The following AMMECR1 variants were observed in gnomAD, a reference collection of about 807,000 sequenced individuals.
AMMECR1 encodes the protein AMMECR nuclear protein 1.
In AMMECR1, 3 loss-of-function variants were observed where a neutral mutation model predicts 22.5. The ratio of observed to expected loss-of-function variants is 0.13; its 90% CI spans 0.06 to 0.35. The LOEUF (loss-of-function observed/expected upper bound fraction) is 0.35, where lower values mean the gene tolerates loss of function less well. AMMECR1 is among the 10% of genes least tolerant of loss of function. The pLI is 1.00. For synonymous variants in AMMECR1, 130 were observed against 116.7 expected (o/e 1.11, Z -0.74); for missense variants, 235 against 278.7 (o/e 0.84, Z 1.12).
At chrX:110,307,542 A>G (rs1021791556) in intron 1 of AMMECR1, among the ~76,000 whole-genome samples, 25 of 111,985 alleles carry the variant, frequency 2.2e-4, no homozygotes, top group African/African-American at 7.1e-4. Flanking sequence ...CAAACTTCAC[A>G]CATCTAAGTA....
intron 1 of AMMECR1, among the ~76,000 whole-genome samples, chrX:110,313,187 G>A (rs1002273849): frequency 8.9e-6 from 1 of 111,933 alleles, no homozygotes; most frequent in Non-Finnish European, 1.9e-5. Flanking sequence ...GTGGCAAGAC[G>A]AGAAAGAGTT....
intron 1 of AMMECR1, among the ~76,000 whole-genome samples, chrX:110,306,223 G>A (rs1208634364): frequency 2.8e-5 from 3 of 108,959 alleles, no homozygotes; most frequent in Non-Finnish European, 5.7e-5. Context: ...TGAACCCGGA[G>A]GCAGAGCTTG....
At chrX:110,218,922 T>C (rs988812647) in intron 2 of AMMECR1, among the ~76,000 whole-genome samples, 1 of 111,734 alleles carries the variant, frequency 8.9e-6, no homozygotes, top group African/African-American at 3.2e-5. Context: ...TCTGGCTTCT[T>C]TCACTTAGCA....
intron 2 of AMMECR1, among the ~76,000 whole-genome samples, chrX:110,424,844 G>A (rs1226036880): frequency 3.6e-5 from 4 of 111,710 alleles, no homozygotes; most frequent in Non-Finnish European, 7.5e-5. Context: ...AATCTCTCTG[G>A]GCTTCTGTTT....
intron 2 of AMMECR1, among the ~76,000 whole-genome samples, chrX:110,351,355 G>T (rs765442849): frequency 8.9e-6 from 1 of 112,073 alleles, no homozygotes; most frequent in East Asian, 2.8e-4. Flanking sequence ...TTACTAAAAA[G>T]CTACAACAAT....
At chrX:110,323,186 A>G (rs1315992311) in intron 2 of AMMECR1, among the ~76,000 whole-genome samples, 1 of 111,388 alleles carries the variant, frequency 9.0e-6, no homozygotes, top group African/African-American at 3.3e-5. Context: ...CCCATGCTAC[A>G]CTCTGCTCTG....
chrX:110,213,991 C>T (rs1383305209), intron 3 of AMMECR1, among the ~76,000 whole-genome samples: 1 of 110,805 alleles, frequency 9.0e-6, no homozygotes, highest in Admixed American at 9.5e-5. Context: ...GGGCCAGGCA[C>T]GGTGGCTCAC....
chrX:110,396,437 TC>T (rs373103405), intron 2 of AMMECR1, among the ~76,000 whole-genome samples: 6,380 of 110,959 alleles, frequency 0.057, 211 homozygotes, highest in African/African-American at 0.12. Context: ...GAAATTATTA[TC>T]CCCCCCATCG....
intron 2 of AMMECR1, among the ~76,000 whole-genome samples, chrX:110,261,982 T>G (rs925228840): frequency 3.6e-5 from 4 of 111,327 alleles, no homozygotes; most frequent in Non-Finnish European, 7.6e-5. Context: ...TAAGGGTTAT[T>G]ACAAGGACTA....
At chrX:110,309,076 C>G (rs1047995053) in intron 1 of AMMECR1, 5 of 112,136 alleles carry the variant, frequency 4.5e-5, no homozygotes, top group Middle Eastern at 4.6e-3. Context: ...CACCCCAAAC[C>G]ACCTAAACCT....
At chrX:110,327,541 G>A (rs2068102568) in intron 2 of AMMECR1, among the ~76,000 whole-genome samples, 1 of 111,334 alleles carries the variant, frequency 9.0e-6, no homozygotes, top group Non-Finnish European at 1.9e-5. Flanking sequence ...GGCAGGGCCA[G>A]AAGTCAGACT....
At chrX:110,382,020 A>T (rs991030289) in intron 2 of AMMECR1, among the ~76,000 whole-genome samples, 1 of 111,674 alleles carries the variant, frequency 9.0e-6, no homozygotes, top group Non-Finnish European at 1.9e-5. Flanking sequence ...AATTAAAAAA[A>T]ATTTAAACAG....
chrX:110,325,426 C>T (rs2068094324), intron 2 of AMMECR1, among the ~76,000 whole-genome samples: 2 of 111,960 alleles, frequency 1.8e-5, no homozygotes, highest in African/African-American at 6.5e-5. Flanking sequence ...ATCTCCACTC[C>T]CCTCTCCCTC....
intron 2 of AMMECR1, chrX:110,346,584 G>A (rs887330585): frequency 2.2e-6 from 1 of 461,426 alleles, no homozygotes; most frequent in Non-Finnish European, 3.9e-6. Context: ...GTAGAATTTT[G>A]TATATTACAG....
At chrX:110,417,172 C>T (rs1053459040) in intron 2 of AMMECR1, among the ~76,000 whole-genome samples, 8 of 112,145 alleles carry the variant, frequency 7.1e-5, no homozygotes, top group African/African-American at 2.3e-4. Flanking sequence ...ACTCTGAATC[C>T]CTCCTCTCGG....
Position 110,196,203 on chromosome X carries a change from G to GTA in AMMECR1, c.*2315_*2316dup, listed in dbSNP as rs2067369375. The GTA allele has an allele frequency of 9.0e-6, 1 of 111,079 alleles. No homozygotes were observed. The allele number at this position is 111,079 out of a possible 1,213,427, so 9.2% of individuals were successfully genotyped here. A position where few individuals can be genotyped will look rare whatever the true frequency, so the allele number is the denominator to read the frequency against. The stretch of plus-strand genomic sequence containing the variant: ...TGTATGTATGTATGTGTAAGTATAT[G>GTA]TACACACACACATCTATGTATGTAA... On this transcript the variant is annotated 3_prime_UTR_variant, in exon 6 of 6. Coordinates refer to ENST00000262844, the MANE Select transcript of AMMECR1 (RefSeq NM_015365.3).
chrX:110,371,551 A>G lies in AMMECR1; in HGVS notation c.-147-53702T>C, dbSNP rs970895518. Among the ~76,000 whole-genome samples the G allele has an allele frequency of 4.5e-5, 5 of 110,750 alleles. No individual in the cohort carries two copies. The East Asian group carries it at 1.4e-3, about 31-fold the overall frequency. On this transcript the variant is annotated intron_variant, in intron 2 of 7. Coordinates refer to the AMMECR1 transcript ENST00000372057. ...CCCCCCAGCCCCCCACTACCTTCCCAGCCTCTGGTAACCATATGAATTGGC... is the reference window on the plus strand; with the variant it reads ...CCCCCCAGCCCCCCACTACCTTCCCGGCCTCTGGTAACCATATGAATTGGC...
At chrX:110,263,368 A>G (rs1439824338) in intron 2 of AMMECR1, among the ~76,000 whole-genome samples, 1 of 111,639 alleles carries the variant, frequency 9.0e-6, no homozygotes, top group African/African-American at 3.3e-5. Context: ...TAAAAAATGA[A>G]TATGATCCCC....
intron 2 of AMMECR1, among the ~76,000 whole-genome samples, chrX:110,262,919 C>G (rs1193189172): frequency 9.0e-6 from 1 of 111,706 alleles, no homozygotes; most frequent in East Asian, 2.8e-4. Flanking sequence ...CTATTTCTCT[C>G]TCTTAGATAT....
Sources: allele counts gnomAD v4.1 joint callset (sites outside exome capture counted in the v4.1 genomes callset), GRCh38; gene constraint gnomAD v4.1.1; transcripts MANE v1.5; gene names NCBI Gene and HGNC (gene_info 2026-07-23, HGNC 2026-07-21).